ZBTB38: variants seen among roughly 807,000 people sequenced by gnomAD.
The protein encoded by ZBTB38 is zinc finger and BTB domain-containing protein 38.
In ZBTB38, 20 loss-of-function variants were observed where a neutral mutation model predicts 76.8. The observed-to-expected ratio is 0.26, with a 90% CI of 0.18 to 0.38. The LOEUF (loss-of-function observed/expected upper bound fraction) is 0.38. ZBTB38 is among the 10% of genes least tolerant of loss of function. The probability of loss-of-function intolerance (pLI) is 1.00; values close to 1 mark genes in which losing one functional copy is unlikely to be tolerated. For synonymous variants in ZBTB38, 504 were observed against 544.2 expected, an observed-to-expected ratio of 0.93 and a Z score of 1.03; for missense variants, 1,082 against 1,482.3, an observed-to-expected ratio of 0.73 and a Z score of 4.43.
intron 1 of ZBTB38, among the ~76,000 whole-genome samples, chr3:141,342,701 G>A (rs887915577): frequency 2.0e-5 from 3 of 146,766 alleles, no homozygotes; most frequent in Admixed American, 1.4e-4. Context: ...AAAAAAACTA[G>A]AGAGGGCAAT....
At chr3:141,422,494 A>G (rs1199294627) in intron 5 of ZBTB38, among the ~76,000 whole-genome samples, 1 of 152,246 alleles carries the variant, frequency 6.6e-6, no homozygotes, top group African/African-American at 2.4e-5. Flanking sequence ...TTCTTAGCCT[A>G]GTCTCCTAAT....
chr3:141,363,110 C>T lies in ZBTB38; in HGVS notation c.-738-5511C>T, dbSNP rs535245246. Among the ~76,000 whole-genome samples the T allele has an allele frequency of 5.3e-5, 8 of 152,254 alleles. No individual in the cohort carries two copies. The East Asian group carries it at 1.3e-3, about 26-fold the overall frequency. On this transcript the variant is annotated intron_variant, in intron 1 of 7. Transcript: ENST00000509842. ...CTTAAGACTTTTGATCATGAAAGCA[C>T]AAGCTCTTAAGTCCGTGAGCATAGA...
chr3:141,417,789 G>A (rs76967251), intron 5 of ZBTB38, among the ~76,000 whole-genome samples: 2,209 of 152,212 alleles, frequency 0.015, 48 homozygotes, highest in African/African-American at 0.05. Flanking sequence ...GTCTAAGCAG[G>A]CTTGATCACG....
chr3:141,395,403 T>G (rs1950127846), intron 4 of ZBTB38, among the ~76,000 whole-genome samples: 1 of 152,188 alleles, frequency 6.6e-6, no homozygotes, highest in Non-Finnish European at 1.5e-5. Flanking sequence ...GATGTGGAAC[T>G]TTAGCGTGAG....
chr3:141,443,820 C>T lies in ZBTB38; in HGVS notation c.1432C>T (p.His478Tyr). The T allele has an allele frequency of 6.2e-7, 1 of 1,613,990 alleles. No individual in the cohort carries two copies. The highest frequency in any genetic ancestry group is 8.5e-7 in the Non-Finnish European group (1 of 1,180,036). Residue 478 changes from histidine to tyrosine, a missense_variant, in exon 6 of 6, where the codon CAT becomes TAT. By Grantham distance (83) the His-to-Tyr change is moderately conservative. Coordinates refer to ENST00000321464, the MANE Select transcript of ZBTB38 (RefSeq NM_001376113.1). The surrounding 1 kb of genome is among the most constrained non-coding windows in gnomAD (Gnocchi z 5.6). ...SYVTLSSLRR[H>Y]ANVHSWRRTY... is the part of the protein sequence containing the mutation. Reference sequence around the variant, plus strand: ...TGTGACCTTATCTAGCCTCCGAAGACATGCAAATGTTCACTCCTGGAGAAG... The same window carrying T: ...TGTGACCTTATCTAGCCTCCGAAGATATGCAAATGTTCACTCCTGGAGAAG...
intron 1 of ZBTB38, among the ~76,000 whole-genome samples, 191 bp downstream of exon 1, chr3:141,368,995 C>CAAAAAA (rs887674425): frequency 2.4e-5 from 2 of 84,538 alleles, no homozygotes; most frequent in African/African-American, 4.7e-5. Flanking sequence ...GAAAAGAATG[C>CAAAAAA]AAAAAAAAAA....
intron 1 of ZBTB38, among the ~76,000 whole-genome samples, chr3:141,343,305 C>G (rs988123608): frequency 1.3e-5 from 2 of 152,148 alleles, no homozygotes; most frequent in African/African-American, 4.8e-5. Context: ...CTCCAGTTTA[C>G]TCTTATGAAC....
chr3:141,347,469 C>A (rs181591469), intron 1 of ZBTB38, among the ~76,000 whole-genome samples: 1 of 152,258 alleles, frequency 6.6e-6, no homozygotes, highest in East Asian at 1.9e-4. Flanking sequence ...ATATGTTTAA[C>A]CTAAGGAAGG....
intron 1 of ZBTB38, among the ~76,000 whole-genome samples, chr3:141,333,724 C>T (rs552654080): frequency 4.0e-4 from 61 of 152,288 alleles, no homozygotes; most frequent in African/African-American, 1.4e-3. Flanking sequence ...GACCCAGAGA[C>T]ATCTGGCCCT....
chr3:141,410,404 C>A (rs962586446), intron 5 of ZBTB38, among the ~76,000 whole-genome samples: 1 of 152,172 alleles, frequency 6.6e-6, no homozygotes, highest in Non-Finnish European at 1.5e-5. Context: ...TCTTTGCATT[C>A]CAGATAAGAA....
At chr3:141,337,282 C>T (rs994778378) in intron 1 of ZBTB38, among the ~76,000 whole-genome samples, 2 of 152,218 alleles carry the variant, frequency 1.3e-5, no homozygotes, top group Admixed American at 1.3e-4. Context: ...TGTCCAAACA[C>T]GTAGAAATGC....
intron 5 of ZBTB38, among the ~76,000 whole-genome samples, chr3:141,425,626 C>T (rs2076243469): frequency 6.6e-6 from 1 of 152,244 alleles, no homozygotes; most frequent in Non-Finnish European, 1.5e-5. Context: ...ATAGCCTGTA[C>T]CCCACACGTG....
chr3:141,420,716 G>C (rs1218260906), intron 5 of ZBTB38, among the ~76,000 whole-genome samples: 1 of 152,166 alleles, frequency 6.6e-6, no homozygotes, highest in Non-Finnish European at 1.5e-5. Flanking sequence ...CTGCTCTGTG[G>C]AGGTGAGCTA....
chr3:141,325,426 A>T (rs1192380904), intron 1 of ZBTB38, among the ~76,000 whole-genome samples: 2 of 152,242 alleles, frequency 1.3e-5, no homozygotes, highest in African/African-American at 4.8e-5. Context: ...ATTGCAAAAG[A>T]ACCCACCTAA....
intron 5 of ZBTB38, among the ~76,000 whole-genome samples, chr3:141,419,850 G>A (rs144648746): frequency 0.023 from 3,572 of 152,274 alleles, 66 homozygotes; most frequent in East Asian, 0.057. Flanking sequence ...GCAAGGCGTG[G>A]TGGTGCATGC....
At chr3:141,358,873 T>G (rs1428731535) in intron 1 of ZBTB38, among the ~76,000 whole-genome samples, 1 of 152,186 alleles carries the variant, frequency 6.6e-6, no homozygotes, top group East Asian at 1.9e-4. Context: ...ATACTACCAC[T>G]AAAGGCTTGA....
chr3:141,401,945 T>C (rs921049636), intron 4 of ZBTB38, among the ~76,000 whole-genome samples: 3 of 152,234 alleles, frequency 2.0e-5, no homozygotes, highest in Non-Finnish European at 2.9e-5. Context: ...TTTGATGCAA[T>C]TGAAACAGCG....
chr3:141,348,348 C>T (rs1943424727), intron 1 of ZBTB38, among the ~76,000 whole-genome samples: 1 of 152,150 alleles, frequency 6.6e-6, no homozygotes, highest in African/African-American at 2.4e-5. Flanking sequence ...TGCTGATTTC[C>T]AGCAATAGTG....
At position 141,445,643 on chromosome 3, in the gene ZBTB38, AAG is replaced by A. The variant is rs2081014187; in HGVS notation, c.3257_3258del (p.Arg1086AsnfsTer35). 6.2e-7 allele frequency: 1 copy of A among 1,614,110 alleles called. No homozygotes were observed. Among genetic ancestry groups the A allele is most frequent in the Non-Finnish European group, 8.5e-7 (1 of 1,180,050 alleles). On this transcript the variant is annotated frameshift_variant, in exon 6 of 6. Coordinates refer to ENST00000321464, the MANE Select transcript of ZBTB38 (RefSeq NM_001376113.1). LOFTEE classifies it high-confidence loss of function. This position sits in a 1 kb window ranked among gnomAD's most constrained non-coding sequence, Gnocchi z 6.5. ...TLNETLKIHERIHTGEKRYHC... is the reference protein window; with the variant it reads ...TLNETLKIHEXIHTGEKRYHC... ...TGAATGAGACCCTCAAAATCCATGA[AAG>A]AATCCATACTGGAGAAAAGCGTTAC...
Sources: gnomAD v4.1 joint callset for allele counts (sites outside exome capture counted in the v4.1 genomes callset) on GRCh38, gnomAD v4.1.1 for gene constraint, Gnocchi (gnomAD v3.1) non-coding constraint, MANE v1.5 for transcripts, NCBI Gene and HGNC (gene_info 2026-07-23, HGNC 2026-07-21) for gene names.